The following NOL6 variants were observed in gnomAD, a reference collection of about 807,000 sequenced individuals.
NOL6 encodes nucleolar protein 6, also known as nucleolar RNA-associated protein.
NOL6 carries 33 observed loss-of-function variants against 131.7 expected under a neutral mutation model. The observed-to-expected ratio is 0.25, with a 90% CI of 0.19 to 0.33. NOL6 has a LOEUF of 0.33. Among genes scored for constraint, NOL6 ranks in the 10% least tolerant of loss-of-function variants. The pLI, the probability that NOL6 is intolerant of heterozygous loss-of-function variation, is 1.00. For missense variants in NOL6, 1,297 were observed against 1,494.5 expected (o/e 0.87, Z 2.18); for synonymous variants, 580 against 605.7 (o/e 0.96, Z 0.62).
chr9:33,464,000 G>A (rs781024995), intron 22 of NOL6, 37 bp downstream of exon 22: 8 of 1,612,624 alleles, frequency 5.0e-6, no homozygotes, highest in Non-Finnish European at 5.9e-6. Flanking sequence ...TCCTTGGGAA[G>A]AAAACCACAC....
At chr9:33,469,853 C>T (rs1472618932) in intron 4 of NOL6, 159 bp downstream of exon 4, 16 of 1,007,868 alleles carry the variant, frequency 1.6e-5, no homozygotes, top group Non-Finnish European at 2.0e-5. Context: ...GCAACTGGCC[C>T]GAGGGATCTA....
chr9:33,461,854 G>A lies in NOL6; in HGVS notation c.*810C>T. ...CAGCATTCTCCTCCTTGGGCCCTGG[G>A]AGCTCCTGGGGAGTAAGACTTGAGT... On this transcript the variant is annotated 3_prime_UTR_variant, in exon 26 of 26. Transcript: ENST00000297990. 3.2e-6 allele frequency: 1 copy of A among 317,354 alleles called. No homozygotes were observed. Among genetic ancestry groups the A allele is most frequent in the Non-Finnish European group, 5.9e-6 (1 of 168,828 alleles). 19.7% of individuals were successfully genotyped at this position (317,354 alleles called of 1,614,324 possible). A position where few individuals can be genotyped will look rare whatever the true frequency, so the allele number is the denominator to read the frequency against.
At position 33,462,506 on chromosome 9, in the gene NOL6, G is replaced by T; in HGVS notation, c.*158C>A. 2 of 806,254 alleles carry T rather than the reference G, an allele frequency of 2.5e-6. No homozygotes were observed. The highest frequency in any genetic ancestry group is 3.9e-6 in the Non-Finnish European group (2 of 513,574). The allele number at this position is 806,254 out of a possible 1,614,324, so 49.9% of individuals were successfully genotyped here. ...CCAATGCTGGAGCATCAGAGAGAAA[G>T]TTGGGGCTGGGTTTTGTTGGAGATG... On this transcript the variant is annotated 3_prime_UTR_variant, in exon 26 of 26. Coordinates refer to ENST00000297990, the MANE Select transcript of NOL6 (RefSeq NM_022917.5).
intron 21 of NOL6, 69 bp downstream of exon 21, chr9:33,464,810 G>GA (rs1554642833): frequency 6.0e-6 from 7 of 1,176,070 alleles, no homozygotes; most frequent in Non-Finnish European, 8.8e-6. Context: ...AACACTGCCA[G>GA]GGAAACCCTT....
At chr9:33,468,925 T>A (rs766758283) in intron 7 of NOL6, 33 bp downstream of exon 7, 4 of 1,613,820 alleles carry the variant, frequency 2.5e-6, no homozygotes, top group Admixed American at 1.7e-5. Context: ...ACACAGGCGC[T>A]CAGGTAGGGA....
rs199904076 is a variant in NOL6, at chr9:33,466,600, T to C, written c.2060A>G (p.Gln687Arg). The C allele has an allele frequency of 3.7e-6, 6 of 1,614,086 alleles. No individual in the cohort carries two copies. Among genetic ancestry groups the C allele is most frequent in the Middle Eastern group, 1.6e-4 (1 of 6,062 alleles). The change falls in exon 16 of 26, where the codon CAG (glutamine) becomes CGG (arginine). Residue 687 changes from glutamine (Q) to arginine (R), a missense_variant. By Grantham distance (43) the Gln-to-Arg change is conservative. Coordinates refer to ENST00000297990, the MANE Select transcript of NOL6 (RefSeq NM_022917.5). ...GTAGCGCAGCACTGGGTGAGCTCCCTGAACAGCAGACACGGTCAGTGGGAG... is the reference window on the plus strand; with the variant it reads ...GTAGCGCAGCACTGGGTGAGCTCCCCGAACAGCAGACACGGTCAGTGGGAG... Reference protein sequence around the residue: ...EGLPLTVSAVQGAHPVLRYTE... With the variant: ...EGLPLTVSAVRGAHPVLRYTE...
In NOL6 at chr9:33,468,867, C is replaced by A. The variant is rs752640336; in HGVS notation, c.1032G>T (p.Gln344His). 1 of 1,614,184 alleles carries A rather than the reference C, an allele frequency of 6.2e-7. No individual in the cohort carries two copies. ...WLRQRELDKGQGGFTGFLVSM... is the reference protein window; with the variant it reads ...WLRQRELDKGHGGFTGFLVSM... The stretch of plus-strand genomic sequence containing the variant: ...AGACAAGGAACCCAGTAAACCCACC[C>A]TGGCCCTGAAAGAGACAGGGAGAGG... Residue 344 changes from glutamine to histidine, a missense_variant, in exon 8 of 26, where the codon CAG becomes CAT. Physicochemically the swap from Gln to His is conservative, Grantham distance 24. Transcript: ENST00000297990.
In NOL6 at chr9:33,468,941, C is replaced by G; in HGVS notation, c.1026+17G>C. On this transcript the variant is annotated intron_variant, in intron 7 of 25. Transcript: ENST00000297990. ...CACAGGCGCTCAGGTAGGGAGGCTG[C>G]GCCACCCCCAACTCACCTTGTCCAG... 1.2e-6 allele frequency: 2 copies of G among 1,613,894 alleles called. No homozygotes were observed. The highest frequency in any genetic ancestry group is 2.2e-5 in the South Asian group (2 of 91,072).
chr9:33,466,264 G>C (rs967806966), intron 17 of NOL6, 39 bp from the exon 18 acceptor site: 6 of 1,613,030 alleles, frequency 3.7e-6, no homozygotes, highest in Admixed American at 1.7e-5. Flanking sequence ...CTGTGGCCTG[G>C]AGCTGGAACT....
Position 33,462,181 on chromosome 9 carries a change from C to G in NOL6, c.*483G>C, listed in dbSNP as rs1388402493. ...CCACTGCTCAGTGTCGGTGATGTGA[C>G]TCAGAAGGGCCACATTTTCGCTGGG... On this transcript the variant is annotated 3_prime_UTR_variant, in exon 26 of 26. Coordinates refer to ENST00000297990, the MANE Select transcript of NOL6 (RefSeq NM_022917.5). 1 of 717,520 alleles carries G rather than the reference C, an allele frequency of 1.4e-6. No homozygotes were observed. Among genetic ancestry groups the G allele is most frequent in the Non-Finnish European group, 2.6e-6 (1 of 385,114 alleles). 44.4% of individuals were successfully genotyped at this position (717,520 alleles called of 1,614,324 possible).
At chr9:33,464,779 G>C (rs1333022350) in intron 21 of NOL6, 100 bp downstream of exon 21, 1 of 788,668 alleles carries the variant, frequency 1.3e-6, no homozygotes, top group East Asian at 2.5e-5. Context: ...ATCTGGGGCT[G>C]GGGAGGCACA....
intron 4 of NOL6, 57 bp downstream of exon 4, chr9:33,469,955 C>A (rs779431762): frequency 1.4e-6 from 2 of 1,466,910 alleles, no homozygotes; most frequent in Non-Finnish European, 1.8e-6. Context: ...AAAGAGGGAT[C>A]CAGGATTTGT....
At position 33,462,191 on chromosome 9, in the gene NOL6, C is replaced by A. The variant is rs1827112109; in HGVS notation, c.*473G>T. ...GTGTCGGTGATGTGACTCAGAAGGG[C>A]CACATTTTCGCTGGGTCCCATCTAA... On this transcript the variant is annotated 3_prime_UTR_variant, in exon 26 of 26. Coordinates refer to ENST00000297990, the MANE Select transcript of NOL6 (RefSeq NM_022917.5). 1 of 717,384 alleles carries A rather than the reference C, an allele frequency of 1.4e-6. No individual in the cohort carries two copies. Among genetic ancestry groups the A allele is most frequent in the African/African-American group, 1.7e-5 (1 of 57,260 alleles). 44.4% of individuals were successfully genotyped at this position (717,384 alleles called of 1,614,324 possible).
At chr9:33,471,186 C>G (rs1827402648) in intron 3 of NOL6, among the ~76,000 whole-genome samples, 2 of 152,194 alleles carry the variant, frequency 1.3e-5, no homozygotes, top group Admixed American at 6.5e-5. Context: ...TAGCTTGAAC[C>G]CGAGAGGTGG....
At position 33,467,707 on chromosome 9, in the gene NOL6, C is replaced by T. The variant is rs546933819; in HGVS notation, c.1586G>A (p.Arg529Gln). 3.2e-6 allele frequency: 5 copies of T among 1,569,784 alleles called. No individual in the cohort carries two copies. The highest frequency in any genetic ancestry group is 1.9e-5 in the Admixed American group (1 of 53,420). Residue 529 changes from arginine (R) to glutamine (Q), a missense_variant, in exon 12 of 26, where the codon CGA (arginine) becomes CAA (glutamine). Transcript: ENST00000297990. This position sits in a 1 kb window ranked among gnomAD's most constrained non-coding sequence, Gnocchi z 4.4. ...GARLNLLAHS[R>Q]PPVPEWDISQ... is the part of the protein sequence containing the mutation. ...CCACCTCACCTCTGGGACTGGGGGT[C>T]GAGAGTGAGCCAGCAGGTTCAGCCG...
At position 33,465,986 on chromosome 9, in the gene NOL6, G is replaced by GTACC. The variant is rs778456929; in HGVS notation, c.2364+81_2364+84dup. 1.1e-5 allele frequency: 18 copies of GTACC among 1,567,190 alleles called. No individual in the cohort carries two copies. The South Asian group carries it at 2.0e-4, about 18-fold the overall frequency. ...GCCTACAGCCCTATTACCCAGCGTG[G>GTACC]TACCCACAGGGGTGTCTTCTTCCAC... On this transcript the variant is annotated intron_variant, in intron 18 of 25. Coordinates refer to ENST00000297990, the MANE Select transcript of NOL6 (RefSeq NM_022917.5).
In NOL6 at chr9:33,466,360, T is replaced by C. The variant is rs771651213; in HGVS notation, c.2157A>G (p.Ser719=). The C allele has an allele frequency of 9.3e-6, 15 of 1,614,094 alleles. No individual in the cohort carries two copies. Among genetic ancestry groups the C allele is most frequent in the Non-Finnish European group, 1.3e-5 (15 of 1,180,000 alleles). Residue 719 remains serine (S), a synonymous_variant, in exon 17 of 26, where the codon TCA becomes TCG. Coordinates refer to ENST00000297990, the MANE Select transcript of NOL6 (RefSeq NM_022917.5). ...AGGGCTTATCGAGCCGGGGCAGCAG[T>C]GAGGACCGCTCCCGCAGAGTCTCAT... ...SFYETLRERS[S]LLPRLDKPCP...
chr9:33,471,252 A>C (rs1827404969), intron 3 of NOL6, among the ~76,000 whole-genome samples: 1 of 152,288 alleles, frequency 6.6e-6, no homozygotes, highest in South Asian at 2.1e-4. Flanking sequence ...GACAAGAGCG[A>C]GACTTCGTCT....
rs114911109 is a variant in NOL6 at position 33,464,085 on chromosome 9, G to C, written c.2856C>G (p.Pro952=). The stretch of plus-strand genomic sequence containing the variant: ...TCCACACAGAGTTTTTGCGGTCTTG[G>C]GGGGTAACAATGACCATGACGGGGA... ...AQLPVMVIVT[P]QDRKNSVWTQ... The change falls in exon 22 of 26, where the codon CCC becomes CCG. Residue 952 remains proline (P), a synonymous_variant. Coordinates refer to ENST00000297990, the MANE Select transcript of NOL6 (RefSeq NM_022917.5). 2.5e-6 allele frequency: 4 copies of C among 1,613,738 alleles called. No homozygotes were observed. Among genetic ancestry groups the C allele is most frequent in the African/African-American group, 1.3e-5 (1 of 74,970 alleles).
Sources: gnomAD v4.1 joint callset for allele counts (sites outside exome capture counted in the v4.1 genomes callset) on GRCh38, gnomAD v4.1.1 for gene constraint, Gnocchi (gnomAD v3.1) non-coding constraint, MANE v1.5 for transcripts, NCBI Gene and HGNC (gene_info 2026-07-23, HGNC 2026-07-21) for gene names.